Variants in FAM53A observed in about 807,000 individuals in gnomAD.
FAM53A encodes the protein family with sequence similarity 53 member A, also known as protein FAM53A.
FAM53A carries 28 observed loss-of-function variants against 26.6 expected under a neutral mutation model. The observed-to-expected ratio is 1.05, with a 90% CI of 0.78 to 1.45. The LOEUF (loss-of-function observed/expected upper bound fraction) is 1.45. FAM53A is among the 40% of genes most tolerant of loss of function. FAM53A has a pLI of 0.00. For missense variants in FAM53A, 650 were observed against 575.8 expected, an observed-to-expected ratio of 1.13 and a Z score of -1.32; for synonymous variants, 290 against 253.1, an observed-to-expected ratio of 1.15 and a Z score of -1.38.
At chr4:1,612,312 T>C in the FAM53A span, among the ~76,000 whole-genome samples, 103 of 152,364 alleles carry the variant, frequency 6.8e-4, no homozygotes, top group Admixed American at 2.9e-3. Flanking sequence ...TGCAGATTGC[T>C]GTATTTACAC....
At chr4:1,642,512 C>T (rs1047503457) in intron 4 of FAM53A, among the ~76,000 whole-genome samples, 4 of 152,172 alleles carry the variant, frequency 2.6e-5, no homozygotes, top group Admixed American at 6.5e-5. Context: ...GGCTGCACCC[C>T]CCAACCAGAG....
At chr4:1,635,771 T>A (rs1715810043), downstream of FAM53A, among the ~76,000 whole-genome samples, 1 of 151,758 alleles carries the variant, frequency 6.6e-6, no homozygotes. Context: ...CTGAAACACA[T>A]GAGGTTTTGT....
the FAM53A span, among the ~76,000 whole-genome samples, chr4:1,611,384 T>C: frequency 1.1e-4 from 17 of 152,292 alleles, no homozygotes; most frequent in East Asian, 3.1e-3. Flanking sequence ...TGGCCTGTCC[T>C]GGAGAGCAGC....
intron 1 of FAM53A, among the ~76,000 whole-genome samples, chr4:1,677,459 C>T (rs972550772): frequency 6.6e-5 from 10 of 152,238 alleles, no homozygotes; most frequent in African/African-American, 2.2e-4. Context: ...CTCCAAATGC[C>T]CATGTCGGGA....
the FAM53A span, among the ~76,000 whole-genome samples, chr4:1,580,452 G>C: frequency 6.6e-6 from 1 of 152,152 alleles, no homozygotes; most frequent in Non-Finnish European, 1.5e-5. Flanking sequence ...AGAACCGGAC[G>C]GCGCAACAAG....
chr4:1,600,038 G>A, the FAM53A span, among the ~76,000 whole-genome samples: 1 of 152,080 alleles, frequency 6.6e-6, no homozygotes, highest in Admixed American at 6.5e-5. Flanking sequence ...CTTTTCACTG[G>A]GTGCTATGGT....
the FAM53A span, among the ~76,000 whole-genome samples, chr4:1,605,838 C>T: frequency 2.0e-5 from 3 of 152,180 alleles, no homozygotes; most frequent in Non-Finnish European, 4.4e-5. This position sits in a 1 kb window ranked among gnomAD's most constrained non-coding sequence, Gnocchi z 5.7. Context: ...GGCTCTCATG[C>T]TCCCGGCCCA....
intron 4 of FAM53A, among the ~76,000 whole-genome samples, chr4:1,654,395 G>C (rs943282469): frequency 1.3e-5 from 2 of 152,242 alleles, no homozygotes; most frequent in Non-Finnish European, 2.9e-5. Context: ...CTGTGACGGG[G>C]GTGTGGAGAG....
At position 1,655,027 on chromosome 4, in the gene FAM53A, T is replaced by G. The variant is rs1247785375; in HGVS notation, c.833A>C (p.Glu278Ala). Reference protein sequence around the residue: ...KRSRRKRRREEDARWTRPSLD... With the variant: ...KRSRRKRRREADARWTRPSLD... ...GGATGGGCGTGTCCACCTGGCGTCCTCCTCACGCCTCCGTTTGCGCCGGCT... is the reference window on the plus strand; with the variant it reads ...GGATGGGCGTGTCCACCTGGCGTCCGCCTCACGCCTCCGTTTGCGCCGGCT... Residue 278 changes from glutamate to alanine, a missense_variant, in exon 4 of 5, where the codon GAG (glutamate) becomes GCG (alanine). Physicochemically the swap from Glu to Ala is moderately radical, Grantham distance 107 (BLOSUM62 -1). Transcript: ENST00000308132. The G allele has an allele frequency of 6.4e-7, 1 of 1,565,668 alleles. No individual in the cohort carries two copies. The highest frequency in any genetic ancestry group is 8.6e-7 in the Non-Finnish European group (1 of 1,156,742).
chr4:1,595,480 G>A, the FAM53A span, among the ~76,000 whole-genome samples: 7 of 152,208 alleles, frequency 4.6e-5, no homozygotes, highest in African/African-American at 1.4e-4. Context: ...TGGTGGTGCT[G>A]GGCACATCAG....
intron 1 of FAM53A, among the ~76,000 whole-genome samples, chr4:1,679,952 G>A (rs890559632): frequency 6.6e-6 from 1 of 151,936 alleles, no homozygotes; most frequent in Non-Finnish European, 1.5e-5. Context: ...GGGAGGATGA[G>A]GCGGCAGTTG....
the FAM53A span, among the ~76,000 whole-genome samples, chr4:1,602,549 T>TTGC: frequency 6.6e-6 from 1 of 152,090 alleles, no homozygotes; most frequent in African/African-American, 2.4e-5. Flanking sequence ...GCCTCGAAAA[T>TTGC]TGCTGCTGCT....
chr4:1,596,370 T>C, the FAM53A span, among the ~76,000 whole-genome samples: 2 of 152,338 alleles, frequency 1.3e-5, no homozygotes, highest in Admixed American at 6.5e-5. Context: ...CATACAGTTA[T>C]GAGAAACAAC....
chr4:1,680,859 T>C (rs762156585), intron 1 of FAM53A, among the ~76,000 whole-genome samples: 7 of 152,006 alleles, frequency 4.6e-5, no homozygotes, highest in African/African-American at 7.3e-5. Flanking sequence ...GGCACAGATT[T>C]TTAAGGCAGT....
downstream of FAM53A, among the ~76,000 whole-genome samples, chr4:1,638,807 C>A (rs1036736408): frequency 5.9e-5 from 9 of 152,208 alleles, no homozygotes; most frequent in Non-Finnish European, 1.3e-4. Flanking sequence ...CAGTGGCCCC[C>A]CTCCTCCTGC....
intron 4 of FAM53A, among the ~76,000 whole-genome samples, chr4:1,649,138 A>C (rs1312862153): frequency 7.1e-6 from 1 of 140,092 alleles, no homozygotes; most frequent in Non-Finnish European, 1.6e-5. Flanking sequence ...GGGGAAGGGG[A>C]AGGGGAAAGG....
At chr4:1,670,996 CCCA>C (rs1714601646) in intron 1 of FAM53A, among the ~76,000 whole-genome samples, 1 of 149,518 alleles carries the variant, frequency 6.7e-6, no homozygotes, top group Non-Finnish European at 1.5e-5. Context: ...TCACCTCTGT[CCCA>C]GCGTCAGAGC....
At chr4:1,607,418 G>C in the FAM53A span, among the ~76,000 whole-genome samples, 4 of 151,940 alleles carry the variant, frequency 2.6e-5, no homozygotes, top group Non-Finnish European at 5.9e-5. Context: ...CACAAAAGCA[G>C]TGAGACCTGT....
the FAM53A span, among the ~76,000 whole-genome samples, chr4:1,575,784 C>G: frequency 1.3e-5 from 2 of 152,084 alleles, no homozygotes; most frequent in Non-Finnish European, 2.9e-5. Flanking sequence ...CTGCTGGGTC[C>G]CCAGCATGGG....
Sources: gnomAD v4.1 joint callset for allele counts (sites outside exome capture counted in the v4.1 genomes callset) on GRCh38, gnomAD v4.1.1 for gene constraint, Gnocchi (gnomAD v3.1) non-coding constraint, MANE v1.5 for transcripts, NCBI Gene and HGNC (gene_info 2026-07-23, HGNC 2026-07-21) for gene names.